Variants in DAAM1 observed in about 807,000 individuals in gnomAD.
DAAM1 encodes the protein disheveled-associated activator of morphogenesis 1.
DAAM1 carries 52 observed loss-of-function variants against 130.0 expected under a neutral mutation model. The ratio of observed to expected loss-of-function variants is 0.40; its 90% CI spans 0.32 to 0.50. The LOEUF (loss-of-function observed/expected upper bound fraction) is 0.50. DAAM1 is among the 20% of genes least tolerant of loss of function. The pLI is 0.61. For missense variants in DAAM1, 1,134 were observed against 1,303.8 expected (o/e 0.87, Z 2.01); for synonymous variants, 452 against 444.5 (o/e 1.02, Z -0.21).
chr14:59,336,391 T>G (rs1885627180), intron 15 of DAAM1, among the ~76,000 whole-genome samples: 1 of 152,210 alleles, frequency 6.6e-6, no homozygotes, highest in Non-Finnish European at 1.5e-5. Flanking sequence ...TTCTACCACA[T>G]TTGACCCAAG....
rs376725081 is a variant in DAAM1 at position 59,338,310 on chromosome 14, T to A, written c.1969-1764T>A. 5.1e-4 allele frequency: 738 copies of A among 1,452,394 alleles called. 1 individual carries two copies. The highest frequency in any genetic ancestry group is 6.7e-4 in the Non-Finnish European group (691 of 1,034,466). The allele number at this position is 1,452,394 out of a possible 1,614,324, so 90.0% of individuals were successfully genotyped here. ...CTTGTTTCCTTGACTGCTTTGACTT[T>A]CCCCCATTTGTTGCTGTGACTTCTG... On this transcript the variant is annotated intron_variant, in intron 15 of 24. Transcript: ENST00000360909.
At position 59,242,946 on chromosome 14, in the gene DAAM1, A is replaced by G. The variant is rs79098347; in HGVS notation, c.-37-20495A>G. ...AATATATGTAGAAGGTACTCAGTAAATATTTGATGAAAGAACGAATCCTTG... is the reference window on the plus strand; with the variant it reads ...AATATATGTAGAAGGTACTCAGTAAGTATTTGATGAAAGAACGAATCCTTG... On this transcript the variant is annotated intron_variant, in intron 1 of 24. Transcript: ENST00000360909. Among the ~76,000 whole-genome samples the G allele has an allele frequency of 1.6e-3, 245 of 152,302 alleles. 1 individual carries two copies. The highest frequency in any genetic ancestry group is 3.0e-3 in the Non-Finnish European group (207 of 68,010).
chr14:59,233,681 T>C (rs1384186892), intron 1 of DAAM1, among the ~76,000 whole-genome samples: 1 of 152,188 alleles, frequency 6.6e-6, no homozygotes, highest in Non-Finnish European at 1.5e-5. Flanking sequence ...TGCAATTGCT[T>C]TTGGTGTTTT....
intron 1 of DAAM1, among the ~76,000 whole-genome samples, chr14:59,254,473 C>T (rs1881782598): frequency 6.6e-6 from 1 of 152,144 alleles, no homozygotes; most frequent in African/African-American, 2.4e-5. Flanking sequence ...GAGTGGATCC[C>T]TTAGAGACAG....
At chr14:59,297,719 A>G (rs539401902) in intron 3 of DAAM1, among the ~76,000 whole-genome samples, 16 of 152,146 alleles carry the variant, frequency 1.1e-4, no homozygotes, top group Non-Finnish European at 2.1e-4. Context: ...CACTCACATA[A>G]CTTATATTAC....
At chr14:59,357,075 G>A (rs1380613901) in intron 20 of DAAM1, among the ~76,000 whole-genome samples, 2 of 152,348 alleles carry the variant, frequency 1.3e-5, no homozygotes, top group African/African-American at 4.8e-5. Context: ...GAGCAGGGAA[G>A]AATCAAATGT....
intron 15 of DAAM1, chr14:59,338,355 G>C (rs762141305): frequency 2.5e-6 from 4 of 1,612,912 alleles, no homozygotes; most frequent in Non-Finnish European, 3.4e-6. Context: ...TATCTGATTT[G>C]CCTTTTCCAT....
chr14:59,204,558 C>T (rs2139399812), intron 1 of DAAM1, among the ~76,000 whole-genome samples: 1 of 152,322 alleles, frequency 6.6e-6, no homozygotes, highest in Non-Finnish European at 1.5e-5. Context: ...GAAACATAAT[C>T]ATGAGAGTGG....
At chr14:59,293,384 CA>C (rs1337592952) in intron 3 of DAAM1, among the ~76,000 whole-genome samples, 6 of 152,208 alleles carry the variant, frequency 3.9e-5, no homozygotes, top group Admixed American at 2.6e-4. Flanking sequence ...TCAATTTCCA[CA>C]CCTATCGAAT....
At chr14:59,279,740 G>A (rs976171806) in intron 2 of DAAM1, among the ~76,000 whole-genome samples, 2 of 152,018 alleles carry the variant, frequency 1.3e-5, no homozygotes, top group Non-Finnish European at 2.9e-5. Flanking sequence ...TGATAAATTA[G>A]ACTTCATTAA....
intron 1 of DAAM1, among the ~76,000 whole-genome samples, chr14:59,259,518 TC>T (rs1882070274): frequency 1.3e-5 from 2 of 152,246 alleles, no homozygotes; most frequent in Admixed American, 1.3e-4. Context: ...GGGGAACACT[TC>T]CCCATCCCCC....
At chr14:59,284,399 A>G (rs546187925) in intron 2 of DAAM1, among the ~76,000 whole-genome samples, 5 of 152,314 alleles carry the variant, frequency 3.3e-5, no homozygotes, top group Admixed American at 6.5e-5. Context: ...GATATATGCA[A>G]GAGCCATTCA....
intron 1 of DAAM1, among the ~76,000 whole-genome samples, chr14:59,249,596 AT>A (rs1165792963): frequency 3.3e-5 from 5 of 152,222 alleles, no homozygotes; most frequent in Non-Finnish European, 7.3e-5. Context: ...TCAGACCTCA[AT>A]TTCATAATAT....
rs529362447 is a variant in DAAM1 at position 59,348,926 on chromosome 14, C to T, written c.2160+1303C>T. 2.6e-5 allele frequency among the ~76,000 whole-genome samples: 4 copies of T among 152,260 alleles called. No homozygotes were observed. In the South Asian group the frequency reaches 8.3e-4, roughly 32 times the overall value. The stretch of plus-strand genomic sequence containing the variant: ...GCCATGGAGAAACTCTTCATGCTGT[C>T]CTTTAAAGGTTTTATTTAATTATCA... On this transcript the variant is annotated intron_variant, in intron 17 of 24. Transcript: ENST00000360909.
rs748973177 is a variant in DAAM1 at position 59,367,532 on chromosome 14, A to G, written c.2930A>G (p.Lys977Arg). 8 of 1,613,936 alleles carry G rather than the reference A, an allele frequency of 5.0e-6. No individual in the cohort carries two copies. The African/African-American group carries it at 8.0e-5, about 16-fold the overall frequency. The part of the protein sequence containing the change: ...DQFLQAVSEA[K>R]QENENMRKKK... ...TTTCTTCAAGCTGTGTCAGAAGCCAAACAAGAAAACGAAAATATGAGAAAG... is the reference window on the plus strand; with the variant it reads ...TTTCTTCAAGCTGTGTCAGAAGCCAGACAAGAAAACGAAAATATGAGAAAG... The change falls in exon 24 of 25, where the codon AAA becomes AGA. Residue 977 changes from lysine (K) to arginine (R), a missense_variant. Transcript: ENST00000360909.
At chr14:59,335,198 C>T (rs780795494) in intron 15 of DAAM1, among the ~76,000 whole-genome samples, 1 of 152,018 alleles carries the variant, frequency 6.6e-6, no homozygotes, top group Non-Finnish European at 1.5e-5. Flanking sequence ...TCTTTCACTC[C>T]AGCTTTAAGA....
chr14:59,324,102 G>A, intron 6 of DAAM1, 26 bp from the exon 7 acceptor site: 1 of 1,331,608 alleles, frequency 7.5e-7, no homozygotes, highest in Non-Finnish European at 9.8e-7. Context: ...TAACGTTTCA[G>A]TCCTTTGTTT....
At chr14:59,342,359 T>A (rs1011481976) in intron 16 of DAAM1, among the ~76,000 whole-genome samples, 1 of 152,172 alleles carries the variant, frequency 6.6e-6, no homozygotes, top group Non-Finnish European at 1.5e-5. Context: ...TGGTCAGTTG[T>A]TTTACTCTCT....
rs145901739 is a variant in DAAM1 at position 59,296,936 on chromosome 14, A to T, written c.273+5630A>T. ...AACAATGAAGTCAGTGCAGGGGAAG[A>T]CTAAAATAATTGAGGCTTGTTTAGT... On this transcript the variant is annotated intron_variant, in intron 3 of 24. Coordinates refer to ENST00000360909, the MANE Select transcript of DAAM1 (RefSeq NM_001270520.2). Among the ~76,000 whole-genome samples, 724 of 152,308 alleles carry T rather than the reference A, an allele frequency of 4.8e-3. 9 individuals carry two copies. The highest frequency in any genetic ancestry group is 0.016 in the African/African-American group (673 of 41,572).
Sources: gnomAD v4.1 joint callset for allele counts (sites outside exome capture counted in the v4.1 genomes callset) on GRCh38, gnomAD v4.1.1 for gene constraint, MANE v1.5 for transcripts, NCBI Gene and HGNC (gene_info 2026-07-23, HGNC 2026-07-21) for gene names.